The following EFHB variants were observed in gnomAD, a reference collection of about 807,000 sequenced individuals.
EFHB encodes the protein EF-hand domain family member B, also known as EF-hand domain-containing family member B.
Under a neutral mutation model 87.2 loss-of-function variants are expected in EFHB, and 91 were observed. That is an observed-to-expected ratio of 1.04 (90% confidence interval 0.88 to 1.24). The LOEUF is 1.24. Among genes scored for constraint, EFHB ranks in the 50% most tolerant of loss-of-function variants. EFHB has a pLI of 0.00. For synonymous variants in EFHB, 325 were observed against 333.6 expected, an observed-to-expected ratio of 0.97 and a Z score of 0.28; for missense variants, 1,084 against 998.8, an observed-to-expected ratio of 1.09 and a Z score of -1.15.
intron 1 of EFHB, among the ~76,000 whole-genome samples, chr3:19,927,006 A>C (rs1695654666): frequency 6.6e-6 from 1 of 152,150 alleles, no homozygotes; most frequent in African/African-American, 2.4e-5. Context: ...ACCAGGCTGG[A>C]GTGAAGTGAT....
chr3:19,927,571 T>C (rs1695674828), intron 1 of EFHB, among the ~76,000 whole-genome samples: 1 of 152,210 alleles, frequency 6.6e-6, no homozygotes, highest in South Asian at 2.1e-4. Context: ...ATTCCTGAAA[T>C]AAGGTGTATC....
intron 6 of EFHB, among the ~76,000 whole-genome samples, chr3:19,904,513 C>T (rs1225792275): frequency 6.6e-6 from 1 of 152,172 alleles, no homozygotes; most frequent in East Asian, 1.9e-4. Context: ...CCATTCTTTC[C>T]TTCTTCCAAA....
chr3:19,917,622 A>G (rs1695278299), intron 4 of EFHB, among the ~76,000 whole-genome samples: 1 of 152,198 alleles, frequency 6.6e-6, no homozygotes, highest in East Asian at 1.9e-4. Context: ...AAAGAAAGGT[A>G]CCCAACAACA....
chr3:19,915,628 T>C (rs1695202562), intron 4 of EFHB, among the ~76,000 whole-genome samples: 2 of 152,038 alleles, frequency 1.3e-5, no homozygotes, highest in Admixed American at 6.6e-5. Flanking sequence ...ATTAGAACTC[T>C]ATTATCACTG....
intron 5 of EFHB, among the ~76,000 whole-genome samples, chr3:19,907,045 T>TA (rs553120531): frequency 0.061 from 8,567 of 140,334 alleles, 281 homozygotes; most frequent in African/African-American, 0.11. Context: ...AAAAATAGAT[T>TA]AAAAAAAAAA....
intron 11 of EFHB, among the ~76,000 whole-genome samples, 172 bp from the exon 12 acceptor site, chr3:19,882,903 T>C (rs1237860567): frequency 6.6e-6 from 1 of 152,230 alleles, no homozygotes; most frequent in Non-Finnish European, 1.5e-5. Flanking sequence ...TATTTAATAA[T>C]TGTTATATTG....
intron 10 of EFHB, among the ~76,000 whole-genome samples, chr3:19,885,222 C>CA (rs11395084): frequency 0.35 from 32,975 of 93,372 alleles, 3,754 homozygotes; most frequent in Non-Finnish European, 0.39. Flanking sequence ...GACTTCGTCT[C>CA]AAAAAAAAAA....
chr3:19,927,881 G>C (rs1175078257), intron 1 of EFHB, among the ~76,000 whole-genome samples: 1 of 151,236 alleles, frequency 6.6e-6, no homozygotes, highest in Non-Finnish European at 1.5e-5. Context: ...GTTTAACCAA[G>C]CTTACAAGAA....
At chr3:19,880,720 C>T (rs2071653573) in intron 12 of EFHB, among the ~76,000 whole-genome samples, 1 of 152,082 alleles carries the variant, frequency 6.6e-6, no homozygotes, top group Non-Finnish European at 1.5e-5. Context: ...AATCTCTCTA[C>T]AGTGATAATT....
intron 8 of EFHB, 98 bp downstream of exon 8, chr3:19,898,680 C>T (rs1030661604): frequency 1.2e-5 from 14 of 1,176,564 alleles, no homozygotes; most frequent in Non-Finnish European, 1.6e-5. Context: ...AAATTAGAAG[C>T]TTTGAAATAA....
At chr3:19,889,840 T>C (rs552830616) in intron 9 of EFHB, among the ~76,000 whole-genome samples, 16 of 152,044 alleles carry the variant, frequency 1.1e-4, no homozygotes, top group Admixed American at 3.9e-4. Flanking sequence ...AATACAAAAT[T>C]AGCCAGCGTG....
Position 19,879,634 on chromosome 3 carries a change from CAT to C in EFHB, c.2497_2498del (p.Met833ValfsTer20), listed in dbSNP as rs747735412. The C allele has an allele frequency of 9.1e-5, 142 of 1,560,706 alleles. No homozygotes were observed. Among genetic ancestry groups the C allele is most frequent in the African/African-American group, 1.6e-4 (12 of 72,818 alleles). The stretch of plus-strand genomic sequence containing the variant: ...GAATGAATGAAGTCCAAAAATATCA[CAT>C]GAGTGTTTTACACTTGATCCGGTCT... ...HADRIKCKTL[M>X] On this transcript the variant is annotated frameshift_variant, in exon 13 of 13. Transcript: ENST00000295824. LOFTEE classifies it high-confidence loss of function.
intron 4 of EFHB, among the ~76,000 whole-genome samples, chr3:19,917,477 A>G (rs1243975715): frequency 6.6e-6 from 1 of 152,150 alleles, no homozygotes; most frequent in Non-Finnish European, 1.5e-5. Flanking sequence ...GAGAGCCTCA[A>G]TGGGTATGGA....
chr3:19,940,762 T>C (rs1449773905), intron 1 of EFHB: 2 of 349,234 alleles, frequency 5.7e-6, no homozygotes, highest in East Asian at 1.4e-4. Flanking sequence ...GTGACTTCAA[T>C]GTGAGGAACA....
At chr3:19,901,617 T>G (rs1322186880) in intron 6 of EFHB, among the ~76,000 whole-genome samples, 2 of 152,154 alleles carry the variant, frequency 1.3e-5, no homozygotes, top group African/African-American at 4.8e-5. Context: ...CAATGCAGTT[T>G]AGGGCTATAA....
At chr3:19,883,776 G>T (rs1355749336) in intron 11 of EFHB, among the ~76,000 whole-genome samples, 1 of 152,218 alleles carries the variant, frequency 6.6e-6, no homozygotes, top group African/African-American at 2.4e-5. Flanking sequence ...ACGTGAAGAT[G>T]AAGGCAGAGA....
intron 1 of EFHB, chr3:19,943,048 C>A: frequency 3.1e-6 from 1 of 324,376 alleles, no homozygotes. Flanking sequence ...AGGGCCAATG[C>A]TTCATATCAG....
chr3:19,935,531 G>A (rs1370765549), upstream of EFHB, among the ~76,000 whole-genome samples: 9 of 151,764 alleles, frequency 5.9e-5, no homozygotes, highest in Admixed American at 4.6e-4. Flanking sequence ...GGCCAACATC[G>A]CGAAACCCTG....
chr3:19,936,492 A>G (rs1696025279), upstream of EFHB, among the ~76,000 whole-genome samples: 2 of 152,158 alleles, frequency 1.3e-5, no homozygotes, highest in Admixed American at 1.3e-4. Flanking sequence ...TGAGCCCAGG[A>G]ATTGAAGGCT....
Sources: gnomAD v4.1 joint callset for allele counts (sites outside exome capture counted in the v4.1 genomes callset) on GRCh38, gnomAD v4.1.1 for gene constraint, MANE v1.5 for transcripts, NCBI Gene and HGNC (gene_info 2026-07-23, HGNC 2026-07-21) for gene names.